Variants in RANBP2 observed in about 807,000 individuals in gnomAD.
RANBP2 encodes the protein E3 SUMO-protein ligase RanBP2.
In RANBP2, 57 loss-of-function variants were observed where a neutral mutation model predicts 303.6. The ratio of observed to expected loss-of-function variants is 0.19; its 90% CI spans 0.15 to 0.23. The LOEUF is 0.23. Among genes scored for constraint, RANBP2 ranks in the 10% least tolerant of loss-of-function variants. RANBP2 has a pLI of 1.00. For synonymous variants in RANBP2, 1,167 were observed against 1,301.5 expected, an observed-to-expected ratio of 0.90 and a Z score of 2.23; for missense variants, 3,138 against 3,780.8, an observed-to-expected ratio of 0.83 and a Z score of 4.46.
the RANBP2 span, chr2:108,882,714 T>C: frequency 6.6e-6 from 1 of 152,274 alleles, no homozygotes; most frequent in African/African-American, 2.4e-5. Context: ...CTCTTCATTT[T>C]CTTCTCAGGC....
At chr2:109,695,151 A>G in the RANBP2 span, among the ~76,000 whole-genome samples, 1 of 151,050 alleles carries the variant, frequency 6.6e-6, no homozygotes, top group African/African-American at 2.4e-5. Flanking sequence ...CCTTTTTATA[A>G]CCTCTCTTTC....
the RANBP2 span, among the ~76,000 whole-genome samples, chr2:108,861,757 AG>A: frequency 6.6e-6 from 1 of 152,012 alleles, no homozygotes; most frequent in South Asian, 2.1e-4. Flanking sequence ...CTGGGATTAC[AG>A]GCGTGAGCCA....
chr2:109,220,963 G>C, the RANBP2 span, among the ~76,000 whole-genome samples: 2 of 152,198 alleles, frequency 1.3e-5, no homozygotes, highest in African/African-American at 4.8e-5. Flanking sequence ...ACAGATATGT[G>C]TACACCAATG....
chr2:109,191,028 A>G, the RANBP2 span, among the ~76,000 whole-genome samples: 1 of 151,918 alleles, frequency 6.6e-6, no homozygotes, highest in Non-Finnish European at 1.5e-5. Flanking sequence ...GAGAGTAAAT[A>G]TTTCAGGCTT....
the RANBP2 span, among the ~76,000 whole-genome samples, chr2:109,225,809 G>A: frequency 6.6e-5 from 10 of 152,224 alleles, no homozygotes; most frequent in African/African-American, 2.2e-4. Flanking sequence ...TCTGTTGCCC[G>A]GGCTGCACTG....
the RANBP2 span, among the ~76,000 whole-genome samples, chr2:109,296,780 A>G: frequency 6.6e-6 from 1 of 152,288 alleles, no homozygotes; most frequent in Non-Finnish European, 1.5e-5. Context: ...GCGTGTGGGA[A>G]TAGGCAGTGG....
At chr2:109,016,906 G>A in the RANBP2 span, among the ~76,000 whole-genome samples, 2 of 152,218 alleles carry the variant, frequency 1.3e-5, no homozygotes, top group East Asian at 1.9e-4. Context: ...GGGAAAGAAC[G>A]GGATACAATT....
At chr2:109,297,732 C>G in the RANBP2 span, among the ~76,000 whole-genome samples, 1 of 151,746 alleles carries the variant, frequency 6.6e-6, no homozygotes, top group African/African-American at 2.4e-5. Flanking sequence ...TCCGTGCCTC[C>G]CACCAGGACA....
the RANBP2 span, among the ~76,000 whole-genome samples, chr2:109,146,043 C>T: frequency 9.7e-4 from 129 of 132,686 alleles, no homozygotes; most frequent in Middle Eastern, 6.8e-3. Flanking sequence ...GGAGTCCATG[C>T]GGGCCGAGGG....
chr2:108,905,106 C>T, the RANBP2 span, among the ~76,000 whole-genome samples: 1 of 152,256 alleles, frequency 6.6e-6, no homozygotes, highest in East Asian at 1.9e-4. Context: ...TGACTAATTA[C>T]ATCAGGGTGT....
chr2:109,185,563 C>T, the RANBP2 span, among the ~76,000 whole-genome samples: 1 of 152,204 alleles, frequency 6.6e-6, no homozygotes, highest in Non-Finnish European at 1.5e-5. Context: ...GGTGGAGTCT[C>T]TGTCTCTTTG....
At chr2:109,370,722 T>C in the RANBP2 span, among the ~76,000 whole-genome samples, 1 of 152,170 alleles carries the variant, frequency 6.6e-6, no homozygotes, top group Non-Finnish European at 1.5e-5. Context: ...CGATGACTGC[T>C]CATCTCCCAG....
chr2:108,787,026 G>C (rs1267227946), downstream of RANBP2: 5 of 591,608 alleles, frequency 8.5e-6, no homozygotes, highest in South Asian at 1.5e-4. Context: ...TCCCGGCCCC[G>C]GCACTCCCGC....
chr2:109,253,704 G>A, the RANBP2 span, among the ~76,000 whole-genome samples: 2 of 152,166 alleles, frequency 1.3e-5, no homozygotes, highest in African/African-American at 4.8e-5. Context: ...CTGGAAAATA[G>A]AACATATAAT....
At chr2:108,922,130 T>C in the RANBP2 span, among the ~76,000 whole-genome samples, 1 of 152,232 alleles carries the variant, frequency 6.6e-6, no homozygotes, top group Non-Finnish European at 1.5e-5. Context: ...GGCTGTGCCA[T>C]GTGAGAACTC....
the RANBP2 span, among the ~76,000 whole-genome samples, chr2:109,465,121 G>A: frequency 6.6e-6 from 1 of 152,102 alleles, no homozygotes; most frequent in Non-Finnish European, 1.5e-5. Context: ...GTGCATTTAC[G>A]TTTCCTCCAT....
At chr2:109,020,965 A>C in the RANBP2 span, among the ~76,000 whole-genome samples, 4 of 152,264 alleles carry the variant, frequency 2.6e-5, no homozygotes, top group African/African-American at 7.2e-5. Context: ...GGGCAGGCAC[A>C]CCCAGGCGAC....
chr2:109,448,763 C>T, the RANBP2 span, among the ~76,000 whole-genome samples: 153 of 152,220 alleles, frequency 1.0e-3, no homozygotes, highest in Non-Finnish European at 1.7e-3. Flanking sequence ...TGAATCATCC[C>T]GAAACCATCC....
chr2:108,891,799 G>T, the RANBP2 span, among the ~76,000 whole-genome samples: 1 of 152,140 alleles, frequency 6.6e-6, no homozygotes, highest in Non-Finnish European at 1.5e-5. Flanking sequence ...ATTGATGTTG[G>T]TGGTTGCTGT....
Sources: gnomAD v4.1 joint callset for allele counts (sites outside exome capture counted in the v4.1 genomes callset) on GRCh38, gnomAD v4.1.1 for gene constraint, MANE v1.5 for transcripts, NCBI Gene and HGNC (gene_info 2026-07-23, HGNC 2026-07-21) for gene names.